VSTM2L: variants seen among roughly 807,000 people sequenced by gnomAD.
VSTM2L encodes the protein V-set and transmembrane domain containing 2 like, also known as V-set and transmembrane domain-containing protein 2-like protein.
In VSTM2L, 9 loss-of-function variants were observed where a neutral mutation model predicts 19.9. The ratio of observed to expected loss-of-function variants is 0.45; its 90% CI spans 0.27 to 0.79. The LOEUF (loss-of-function observed/expected upper bound fraction) is 0.79. VSTM2L is among the 30% of genes least tolerant of loss of function. VSTM2L has a pLI of 0.15. For synonymous variants in VSTM2L, 127 were observed against 133.8 expected (o/e 0.95, Z 0.35); for missense variants, 286 against 295.5 (o/e 0.97, Z 0.24).
At chr20:37,915,413 C>A (rs1027541460) in intron 1 of VSTM2L, among the ~76,000 whole-genome samples, 6 of 152,000 alleles carry the variant, frequency 3.9e-5, no homozygotes, top group African/African-American at 1.4e-4. Flanking sequence ...TCTAGAATAG[C>A]CCTAGGGTTT....
At chr20:37,909,227 A>G (rs1354438864) in intron 1 of VSTM2L, among the ~76,000 whole-genome samples, 1 of 152,218 alleles carries the variant, frequency 6.6e-6, no homozygotes, top group South Asian at 2.1e-4. Flanking sequence ...CGACCCTCCA[A>G]CTTCCCTCGA....
intron 1 of VSTM2L, among the ~76,000 whole-genome samples, chr20:37,908,385 C>A (rs1006968300): frequency 6.6e-6 from 1 of 152,120 alleles, no homozygotes; most frequent in African/African-American, 2.4e-5. Context: ...TCATGGAGGC[C>A]CCTTGGGACC....
intron 1 of VSTM2L, among the ~76,000 whole-genome samples, chr20:37,907,272 A>C (rs75053115): frequency 0.013 from 1,920 of 152,122 alleles, 34 homozygotes; most frequent in African/African-American, 0.044. Flanking sequence ...ACCCTCAGCT[A>C]ATTTTTAAAT....
chr20:37,927,795 AG>A (rs1007369643), intron 1 of VSTM2L, among the ~76,000 whole-genome samples: 1 of 152,088 alleles, frequency 6.6e-6, no homozygotes, highest in African/African-American at 2.4e-5. Context: ...CCTCCACCCA[AG>A]GGCGGCCCTC....
intron 1 of VSTM2L, among the ~76,000 whole-genome samples, chr20:37,927,622 C>A (rs1052384284): frequency 5.3e-5 from 8 of 152,192 alleles, no homozygotes; most frequent in Non-Finnish European, 2.9e-5. Context: ...CCTATACTAG[C>A]CCCTGCCCTC....
At chr20:37,916,865 C>T (rs552679084) in intron 1 of VSTM2L, among the ~76,000 whole-genome samples, 1 of 152,186 alleles carries the variant, frequency 6.6e-6, no homozygotes, top group African/African-American at 2.4e-5. Flanking sequence ...ATGAAATATC[C>T]GGAGTAGGCA....
At chr20:37,936,268 G>T (rs1046435663) in intron 3 of VSTM2L, among the ~76,000 whole-genome samples, 1 of 152,194 alleles carries the variant, frequency 6.6e-6, no homozygotes, top group East Asian at 1.9e-4. Context: ...GCTCCTGCGG[G>T]GGCCCGGGAA....
chr20:37,928,395 T>G (rs552669639), intron 1 of VSTM2L, among the ~76,000 whole-genome samples: 120 of 152,192 alleles, frequency 7.9e-4, no homozygotes, highest in Middle Eastern at 3.4e-3. Context: ...TCAGGCAGGG[T>G]CCCCCTAGCT....
chr20:37,917,173 G>T (rs2072823203), intron 1 of VSTM2L, among the ~76,000 whole-genome samples: 1 of 152,080 alleles, frequency 6.6e-6, no homozygotes, highest in African/African-American at 2.4e-5. Context: ...AATTAGTCAG[G>T]CGTGGTGGAG....
At chr20:37,914,828 A>G (rs959545241) in intron 1 of VSTM2L, among the ~76,000 whole-genome samples, 30 of 152,106 alleles carry the variant, frequency 2.0e-4, no homozygotes, top group Non-Finnish European at 3.5e-4. Context: ...GCCCAACCCT[A>G]TGTTCCCCCA....
chr20:37,933,471 G>GGC, intron 2 of VSTM2L, 68 bp from the exon 3 acceptor site: 3 of 1,255,728 alleles, frequency 2.4e-6, no homozygotes. Context: ...TCCCCACACT[G>GGC]CCACCCCACC....
chr20:37,944,521 A>G lies in VSTM2L; in HGVS notation c.*268A>G, dbSNP rs1189260900. ...AACCGCCCTGAACACTGGGGCAGGG[A>G]CCATGCTGGGGCCCGGGGCCACCCC... On this transcript the variant is annotated 3_prime_UTR_variant, in exon 4 of 4. Transcript: ENST00000373461. 2 of 1,210,346 alleles carry G rather than the reference A, an allele frequency of 1.7e-6. No homozygotes were observed. The highest frequency in any genetic ancestry group is 2.0e-6 in the Non-Finnish European group (2 of 976,034). The allele number at this position is 1,210,346 out of a possible 1,614,324, so 75.0% of individuals were successfully genotyped here.
In VSTM2L at chr20:37,944,738, T is replaced by C; in HGVS notation, c.*485T>C. ...CTGAGCAGAACTAGGGCCTCTCCCC[T>C]GGTGAAGACCCAGGGAACCCAGGAG... On this transcript the variant is annotated 3_prime_UTR_variant, in exon 4 of 4. Coordinates refer to ENST00000373461, the MANE Select transcript of VSTM2L (RefSeq NM_080607.3). 1 of 986,888 alleles carries C rather than the reference T, an allele frequency of 1.0e-6. No individual in the cohort carries two copies. Among genetic ancestry groups the C allele is most frequent in the Non-Finnish European group, 1.2e-6 (1 of 830,864 alleles). The allele number at this position is 986,888 out of a possible 1,614,324, so 61.1% of individuals were successfully genotyped here.
chr20:37,939,257 T>C (rs2072957983), intron 3 of VSTM2L, among the ~76,000 whole-genome samples: 1 of 151,474 alleles, frequency 6.6e-6, no homozygotes, highest in East Asian at 1.9e-4. Context: ...GATACAAAAA[T>C]TGGCCAGGAG....
At chr20:37,905,486 G>A (rs989945687) in intron 1 of VSTM2L, among the ~76,000 whole-genome samples, 8 of 152,172 alleles carry the variant, frequency 5.3e-5, no homozygotes, top group African/African-American at 1.9e-4. Context: ...CCAACCAGCT[G>A]TAATCTCCCC....
At chr20:37,937,114 G>C (rs948021226) in intron 3 of VSTM2L, among the ~76,000 whole-genome samples, 1 of 152,048 alleles carries the variant, frequency 6.6e-6, no homozygotes, top group South Asian at 2.1e-4. Flanking sequence ...CCAGATACTT[G>C]GGAGGCTGAG....
intron 3 of VSTM2L, among the ~76,000 whole-genome samples, chr20:37,937,325 G>C (rs965223118): frequency 6.6e-6 from 1 of 152,062 alleles, no homozygotes; most frequent in Admixed American, 6.6e-5. Flanking sequence ...GAATTATCTC[G>C]TTTAACTTGG....
At position 37,944,461 on chromosome 20, in the gene VSTM2L, G is replaced by T; in HGVS notation, c.*208G>T. 1 of 1,223,848 alleles carries T rather than the reference G, an allele frequency of 8.2e-7. No individual in the cohort carries two copies. Among genetic ancestry groups the T allele is most frequent in the Non-Finnish European group, 1.0e-6 (1 of 972,536 alleles). 75.8% of individuals were successfully genotyped at this position (1,223,848 alleles called of 1,614,324 possible). Reference sequence around the variant, plus strand: ...CCCTTTCAGACCCCTGCGGTGACCTGGCTCGGAGAAGGTGGCCCTGGGCAC... The same window carrying T: ...CCCTTTCAGACCCCTGCGGTGACCTTGCTCGGAGAAGGTGGCCCTGGGCAC... On this transcript the variant is annotated 3_prime_UTR_variant, in exon 4 of 4. Coordinates refer to ENST00000373461, the MANE Select transcript of VSTM2L (RefSeq NM_080607.3).
intron 3 of VSTM2L, among the ~76,000 whole-genome samples, chr20:37,941,798 G>C (rs1414751536): frequency 6.6e-6 from 1 of 151,826 alleles, no homozygotes; most frequent in African/African-American, 2.4e-5. Flanking sequence ...CAGGACAGGG[G>C]CTGCAGGAAG....
Sources: allele counts gnomAD v4.1 joint callset (sites outside exome capture counted in the v4.1 genomes callset), GRCh38; gene constraint gnomAD v4.1.1; transcripts MANE v1.5; gene names NCBI Gene and HGNC (gene_info 2026-07-23, HGNC 2026-07-21).